RGS3: variants seen among roughly 807,000 people sequenced by gnomAD.
RGS3 encodes regulator of G-protein signalling 3.
In RGS3, 80 loss-of-function variants were observed where a neutral mutation model predicts 132.6. That is an observed-to-expected ratio of 0.60 (90% CI 0.50 to 0.73). RGS3 has a LOEUF of 0.73. Ranked by LOEUF, RGS3 falls within the 30% of genes least tolerant of loss-of-function variation. The pLI is 0.00. For synonymous variants in RGS3, 598 were observed against 620.6 expected, an observed-to-expected ratio of 0.96 and a Z score of 0.54; for missense variants, 1,382 against 1,530.8, an observed-to-expected ratio of 0.90 and a Z score of 1.62.
At chr9:113,471,760 C>T (rs1345284821) in intron 3 of RGS3, among the ~76,000 whole-genome samples, 1 of 152,130 alleles carries the variant, frequency 6.6e-6, no homozygotes, top group Admixed American at 6.6e-5. Flanking sequence ...CAAGATGGCT[C>T]ATTCACATGG....
upstream of RGS3, among the ~76,000 whole-genome samples, chr9:113,458,954 T>C (rs372552550): frequency 3.5e-4 from 53 of 152,238 alleles, no homozygotes; most frequent in South Asian, 1.7e-3. Flanking sequence ...TTTCACCATA[T>C]TGATCAGGCT....
At chr9:113,578,836 T>C (rs7047062) in intron 19 of RGS3, among the ~76,000 whole-genome samples, 18,029 of 152,076 alleles carry the variant, frequency 0.12, 1,280 homozygotes, top group African/African-American at 0.19. Flanking sequence ...GTTCACAGAG[T>C]GCCTTCCTGC....
intron 16 of RGS3, 52 bp from the exon 15 acceptor site, chr9:113,522,878 G>A (rs532436285): frequency 3.0e-5 from 36 of 1,207,952 alleles, no homozygotes; most frequent in South Asian, 3.6e-5. Flanking sequence ...GTGGCTCTCA[G>A]CCTCCAGAGG....
In RGS3 at chr9:113,497,387, G is replaced by A. The variant is rs144051719; in HGVS notation, c.824G>A (p.Arg275Gln). The A allele has an allele frequency of 1.5e-5, 25 of 1,613,384 alleles. 1 individual carries two copies. The highest frequency in any genetic ancestry group is 2.7e-5 in the African/African-American group (2 of 75,032). The change falls in exon 9 of 25, where the codon CGA (arginine) becomes CAA (glutamine). Residue 275 changes from arginine to glutamine, a missense_variant. Physicochemically the swap from Arg to Gln is conservative, Grantham distance 43. Coordinates refer to ENST00000350696, the Ensembl canonical transcript of RGS3. ...AAGCACTTGAAGGTGGCCAGGCGGC[G>A]ACTGCGGCCGCTGAGAGGTACCTGC...
At chr9:113,549,742 T>C (rs2118733492) in intron 19 of RGS3, among the ~76,000 whole-genome samples, 1 of 152,382 alleles carries the variant, frequency 6.6e-6, no homozygotes, top group Admixed American at 6.5e-5. Flanking sequence ...ATGTTTCCAT[T>C]TCAATAAATA....
intron 14 of RGS3, among the ~76,000 whole-genome samples, chr9:113,511,342 G>A (rs1250314821): frequency 6.6e-6 from 1 of 152,050 alleles, no homozygotes; most frequent in Non-Finnish European, 1.5e-5. Flanking sequence ...GTAGCAGGTG[G>A]GAAGTAAATG....
chr9:113,451,306 C>T (rs1186325230), intron 1 of RGS3, among the ~76,000 whole-genome samples: 1 of 152,172 alleles, frequency 6.6e-6, no homozygotes, highest in African/African-American at 2.4e-5. Flanking sequence ...GATATGTCCT[C>T]TAGTTTCCAA....
chr9:113,595,103 C>A (rs993244955), intron 23 of RGS3, 123 bp downstream of exon 21: 3 of 924,548 alleles, frequency 3.2e-6, no homozygotes, highest in African/African-American at 1.6e-5. Flanking sequence ...TCAGGGTGTC[C>A]TTGCTGTTGC....
intron 16 of RGS3, among the ~76,000 whole-genome samples, chr9:113,520,332 T>G (rs1051125781): frequency 6.6e-6 from 1 of 152,240 alleles, no homozygotes; most frequent in Non-Finnish European, 1.5e-5. Flanking sequence ...TGCCTCCAGC[T>G]GTGTGCCAGC....
chr9:113,507,247 C>A lies in RGS3; in HGVS notation c.1086-40C>A. On this transcript the variant is annotated intron_variant, in intron 12 of 24. Coordinates refer to ENST00000350696, the Ensembl canonical transcript of RGS3. This position sits in a 1 kb window ranked among gnomAD's most constrained non-coding sequence, Gnocchi z 5.0. ...CCTCACTCTGGCTGATACTGGCTTT[C>A]CCCAGGCTCAACCTGTCTGTGTGAT... 6.5e-7 allele frequency: 1 copy of A among 1,533,964 alleles called. No individual in the cohort carries two copies. Among genetic ancestry groups the A allele is most frequent in the Non-Finnish European group, 8.9e-7 (1 of 1,128,604 alleles).
At chr9:113,515,846 C>G (rs1831631211) in intron 15 of RGS3, among the ~76,000 whole-genome samples, 1 of 151,926 alleles carries the variant, frequency 6.6e-6, no homozygotes, top group Non-Finnish European at 1.5e-5. Flanking sequence ...CGGTGGTTGC[C>G]CACTCTTCTT....
At chr9:113,597,067 T>G in exon 25 of RGS3, 8 of 854,440 alleles carry the variant, frequency 9.4e-6, no homozygotes, top group Non-Finnish European at 1.4e-5. Context: ...GCTGTGTCTC[T>G]GGACAGACGG....
rs769589755 is a variant in RGS3 at position 113,529,201 on chromosome 9, T to C, written c.1871-20T>C. ...CTTTATCCAGTTCTAATGCAAATCT[T>C]ACTTTTTGTTCCCTCAAAGGTTCTT... On this transcript the variant is annotated intron_variant, in intron 17 of 24. Coordinates refer to ENST00000350696, the Ensembl canonical transcript of RGS3. The C allele has an allele frequency of 6.2e-7, 1 of 1,606,020 alleles. No individual in the cohort carries two copies. Among genetic ancestry groups the C allele is most frequent in the Admixed American group, 1.7e-5 (1 of 60,024 alleles).
rs1325806918 is a variant in RGS3, at chr9:113,537,483, C to T, written c.2037+565C>T. On this transcript the variant is annotated intron_variant, in intron 19 of 24. Coordinates refer to ENST00000350696, the Ensembl canonical transcript of RGS3. The surrounding 1 kb of genome is among the most constrained non-coding windows in gnomAD (Gnocchi z 4.3). Reference sequence around the variant, plus strand: ...CTGTTCTGGGCTGGGCACTGCTCAGCCCATCCAGTGCCTGGGGAGAGGGGA... The same window carrying T: ...CTGTTCTGGGCTGGGCACTGCTCAGTCCATCCAGTGCCTGGGGAGAGGGGA... 2.0e-5 allele frequency among the ~76,000 whole-genome samples: 3 copies of T among 152,108 alleles called. No homozygotes were observed. The highest frequency in any genetic ancestry group is 7.2e-5 in the African/African-American group (3 of 41,416).
intron 19 of RGS3, among the ~76,000 whole-genome samples, chr9:113,539,858 A>G (rs1192681775): frequency 6.6e-6 from 1 of 152,232 alleles, no homozygotes; most frequent in African/African-American, 2.4e-5. Context: ...AGAGGGAGTC[A>G]GGGGAAGATG....
At chr9:113,583,616 C>A in exon 20 of RGS3, 2 of 1,614,162 alleles carry the variant, frequency 1.2e-6, no homozygotes, top group Non-Finnish European at 1.7e-6. Flanking sequence ...CAGGAACCCG[C>A]TCCCAGCCAA....
At chr9:113,562,266 A>G (rs1382566098) in intron 19 of RGS3, among the ~76,000 whole-genome samples, 5 of 152,178 alleles carry the variant, frequency 3.3e-5, no homozygotes, top group Non-Finnish European at 7.3e-5. Flanking sequence ...GCTTGAGGCC[A>G]GGAGTTCAAG....
chr9:113,573,972 T>G (rs1017111462), intron 19 of RGS3, among the ~76,000 whole-genome samples: 1 of 152,214 alleles, frequency 6.6e-6, no homozygotes, highest in African/African-American at 2.4e-5. Context: ...TTCCACTGAC[T>G]TGCTTTTTGA....
At chr9:113,543,789 C>G (rs1348645282) in intron 19 of RGS3, among the ~76,000 whole-genome samples, 2 of 152,208 alleles carry the variant, frequency 1.3e-5, no homozygotes, top group Non-Finnish European at 2.9e-5. Flanking sequence ...TTTCACCCAG[C>G]CTGTCCTGAC....
Sources: gnomAD v4.1 joint callset for allele counts (sites outside exome capture counted in the v4.1 genomes callset) on GRCh38, gnomAD v4.1.1 for gene constraint, Gnocchi (gnomAD v3.1) non-coding constraint, MANE v1.5 for transcripts, NCBI Gene and HGNC (gene_info 2026-07-23, HGNC 2026-07-21) for gene names.